Variants in CFAP299 observed in about 807,000 individuals in gnomAD.
CFAP299 encodes cilia and flagella associated protein 299.
CFAP299 carries 21 observed loss-of-function variants against 27.0 expected under a neutral mutation model. The observed-to-expected ratio is 0.78, with a 90% CI of 0.55 to 1.12. CFAP299 has a LOEUF of 1.12. Among genes scored for constraint, CFAP299 ranks in the 50% most tolerant of loss-of-function variants. The probability of loss-of-function intolerance (pLI) is 0.00; values close to 1 mark genes in which losing one functional copy is unlikely to be tolerated. For synonymous variants in CFAP299, 104 were observed against 98.1 expected (o/e 1.06, Z -0.36); for missense variants, 310 against 276.6 (o/e 1.12, Z -0.86).
chr4:80,660,294 T>C (rs1447969986), intron 3 of CFAP299, among the ~76,000 whole-genome samples: 1 of 151,742 alleles, frequency 6.6e-6, no homozygotes, highest in African/African-American at 2.4e-5. Context: ...GGGACTGTTG[T>C]AAAGGAAAAA....
intron 2 of CFAP299, among the ~76,000 whole-genome samples, chr4:80,461,685 T>C (rs1014162583): frequency 6.6e-6 from 1 of 152,152 alleles, no homozygotes; most frequent in Admixed American, 6.6e-5. Context: ...ATTCAGTTGG[T>C]TGAGGTGCTT....
At chr4:80,540,721 T>C (rs1460775834) in intron 2 of CFAP299, among the ~76,000 whole-genome samples, 1 of 152,190 alleles carries the variant, frequency 6.6e-6, no homozygotes, top group Non-Finnish European at 1.5e-5. Flanking sequence ...GAAGTATATA[T>C]ATTTTCCATG....
At chr4:80,646,988 A>AGTGTGTGTGTGT (rs1187314742) in intron 3 of CFAP299, among the ~76,000 whole-genome samples, 35 of 31,110 alleles carry the variant, frequency 1.1e-3, no homozygotes, top group African/African-American at 1.8e-3. Flanking sequence ...AGAGAGAGAG[A>AGTGTGTGTGTGT]GTGTGTGTGT....
intron 2 of CFAP299, among the ~76,000 whole-genome samples, chr4:80,420,875 A>G (rs1439941827): frequency 1.3e-5 from 2 of 152,094 alleles, no homozygotes; most frequent in South Asian, 2.1e-4. Flanking sequence ...TCACACATCA[A>G]TTTTGCTGCA....
intron 2 of CFAP299, among the ~76,000 whole-genome samples, chr4:80,555,722 T>C (rs1016068798): frequency 6.6e-6 from 1 of 152,142 alleles, no homozygotes; most frequent in African/African-American, 2.4e-5. Flanking sequence ...TTGTTCAGTC[T>C]TGGGAGGATG....
chr4:80,560,890 G>A (rs1181922575), intron 2 of CFAP299, among the ~76,000 whole-genome samples: 1 of 152,062 alleles, frequency 6.6e-6, no homozygotes, highest in Non-Finnish European at 1.5e-5. Flanking sequence ...GTGGGACCTC[G>A]CCACCCTAAA....
chr4:80,831,749 T>G (rs2110131861), intron 3 of CFAP299, among the ~76,000 whole-genome samples: 1 of 152,284 alleles, frequency 6.6e-6, no homozygotes, highest in East Asian at 1.9e-4. Context: ...ATATTCCAAA[T>G]GTATACAACT....
At chr4:80,476,935 G>A (rs1730300066) in intron 2 of CFAP299, among the ~76,000 whole-genome samples, 1 of 136,846 alleles carries the variant, frequency 7.3e-6, no homozygotes. Flanking sequence ...GGCATTTTGT[G>A]TGTGTGTGCG....
intron 3 of CFAP299, among the ~76,000 whole-genome samples, chr4:80,808,699 TTAAC>T (rs1336589585): frequency 2.0e-5 from 3 of 152,076 alleles, no homozygotes; most frequent in Non-Finnish European, 4.4e-5. Flanking sequence ...ATGTTAGGCA[TTAAC>T]TAATGTGATT....
chr4:80,917,389 A>C (rs1203917006), intron 4 of CFAP299, among the ~76,000 whole-genome samples: 1 of 152,196 alleles, frequency 6.6e-6, no homozygotes, highest in Non-Finnish European at 1.5e-5. Context: ...TACATTACTA[A>C]AAGGAAAACT....
At chr4:80,525,515 T>A (rs1189357981) in intron 2 of CFAP299, among the ~76,000 whole-genome samples, 1 of 152,204 alleles carries the variant, frequency 6.6e-6, no homozygotes, top group Non-Finnish European at 1.5e-5. Flanking sequence ...GCCAGGGTTA[T>A]TTCTTTGAAA....
Position 80,696,801 on chromosome 4 carries a change from G to T in CFAP299, c.333+113618G>T, listed in dbSNP as rs549476653. Among the ~76,000 whole-genome samples, 85 of 152,214 alleles carry T rather than the reference G, an allele frequency of 5.6e-4. 1 individual carries two copies. Among genetic ancestry groups the T allele is most frequent in the African/African-American group, 1.9e-3 (78 of 41,548 alleles). On this transcript the variant is annotated intron_variant, in intron 3 of 5. Coordinates refer to ENST00000358105, the MANE Select transcript of CFAP299 (RefSeq NM_152770.3). The stretch of plus-strand genomic sequence containing the variant: ...GACCTGGAGGCATAAATGAACTTAA[G>T]GTGTCTAAAGAATACTAAGTCCAAT...
chr4:80,678,278 T>C (rs1351271232), intron 3 of CFAP299, among the ~76,000 whole-genome samples: 1 of 152,042 alleles, frequency 6.6e-6, no homozygotes, highest in Non-Finnish European at 1.5e-5. Flanking sequence ...GGCAAAGAAA[T>C]ACCCGTTTAA....
chr4:80,879,311 T>G (rs1183419238), intron 4 of CFAP299, among the ~76,000 whole-genome samples: 2 of 152,150 alleles, frequency 1.3e-5, no homozygotes, highest in South Asian at 2.1e-4. Flanking sequence ...CTAGAGATGC[T>G]TAAGTACAAA....
At chr4:80,730,228 TTC>T (rs569112636) in intron 3 of CFAP299, among the ~76,000 whole-genome samples, 1,447 of 134,072 alleles carry the variant, frequency 0.011, 11 homozygotes, top group Middle Eastern at 0.015. Flanking sequence ...AGGTCTCTCT[TTC>T]TCTCTCTCTC....
chr4:80,793,049 T>C (rs538693529), intron 3 of CFAP299, among the ~76,000 whole-genome samples: 58 of 152,042 alleles, frequency 3.8e-4, no homozygotes, highest in African/African-American at 1.4e-3. Flanking sequence ...GTACATGTGT[T>C]AGGGTTCTCT....
chr4:80,923,427 A>G (rs1736144826), intron 4 of CFAP299, among the ~76,000 whole-genome samples: 1 of 152,086 alleles, frequency 6.6e-6, no homozygotes, highest in Admixed American at 6.6e-5. Flanking sequence ...GCCAAGATGA[A>G]GAACTTATTT....
At chr4:80,463,324 T>C (rs932595558) in intron 2 of CFAP299, among the ~76,000 whole-genome samples, 3 of 152,136 alleles carry the variant, frequency 2.0e-5, no homozygotes, top group African/African-American at 7.2e-5. Context: ...GAATGAATGC[T>C]GCAAAATTAC....
chr4:80,654,037 C>T (rs995999053), intron 3 of CFAP299, among the ~76,000 whole-genome samples: 7 of 152,098 alleles, frequency 4.6e-5, no homozygotes, highest in Non-Finnish European at 1.0e-4. Context: ...CAGATGCTTG[C>T]TCTGCAGTTA....
Sources: gnomAD v4.1 joint callset for allele counts (sites outside exome capture counted in the v4.1 genomes callset) on GRCh38, gnomAD v4.1.1 for gene constraint, MANE v1.5 for transcripts, NCBI Gene and HGNC (gene_info 2026-07-23, HGNC 2026-07-21) for gene names.